The following CBLB variants were observed in gnomAD, a reference collection of about 807,000 sequenced individuals.
CBLB encodes the protein E3 ubiquitin-protein ligase CBL-B.
Under a neutral mutation model 104.9 loss-of-function variants are expected in CBLB, and 31 were observed. The observed-to-expected ratio is 0.30, with a 90% CI of 0.22 to 0.40. The LOEUF (loss-of-function observed/expected upper bound fraction) is 0.40. Ranked by LOEUF, CBLB falls within the 10% of genes least tolerant of loss-of-function variation. CBLB has a pLI of 1.00. For missense variants in CBLB, 1,062 were observed against 1,214.6 expected (o/e 0.87, Z 1.87); for synonymous variants, 440 against 422.6 (o/e 1.04, Z -0.51).
intron 4 of CBLB, among the ~76,000 whole-genome samples, chr3:105,753,133 G>T (rs1019543448): frequency 6.6e-6 from 1 of 152,142 alleles, no homozygotes; most frequent in Non-Finnish European, 1.5e-5. Context: ...CAGTCTGTGG[G>T]AAGTGGCATA....
chr3:105,679,004 T>C (rs966280542), intron 16 of CBLB, among the ~76,000 whole-genome samples: 4 of 152,184 alleles, frequency 2.6e-5, no homozygotes, highest in African/African-American at 9.7e-5. Flanking sequence ...CTCAAATACA[T>C]ATAATTTAAT....
chr3:105,820,693 A>G (rs1222401177), intron 3 of CBLB, among the ~76,000 whole-genome samples: 1 of 152,164 alleles, frequency 6.6e-6, no homozygotes, highest in Non-Finnish European at 1.5e-5. Flanking sequence ...CAAAACCTCA[A>G]AGAGCACAGA....
At chr3:105,719,526 T>C (rs979305887) in intron 10 of CBLB, among the ~76,000 whole-genome samples, 4 of 152,332 alleles carry the variant, frequency 2.6e-5, no homozygotes, top group Non-Finnish European at 5.9e-5. Context: ...GGTGACATCA[T>C]AGCCACCTTA....
At chr3:105,778,391 A>C (rs1477446854) in intron 3 of CBLB, among the ~76,000 whole-genome samples, 4 of 152,150 alleles carry the variant, frequency 2.6e-5, no homozygotes, top group African/African-American at 9.7e-5. Flanking sequence ...ACCTGACAAT[A>C]AAATCATTGG....
chr3:105,740,629 T>A lies in CBLB; in HGVS notation c.848A>T (p.Tyr283Phe), dbSNP rs1300898154. The change falls in exon 7 of 19, where the codon TAT (tyrosine) becomes TTT (phenylalanine). Residue 283 changes from tyrosine (Y) to phenylalanine (F), a missense_variant and splice_region_variant. By Grantham distance (22) the Tyr-to-Phe change is conservative. Coordinates refer to ENST00000394030, the MANE Select transcript of CBLB (RefSeq NM_170662.5). ...TCGAGTGCAACTTAACCGGAAAATATAGCTGCAAAACATAAGAAAATTACA... is the reference window on the plus strand; with the variant it reads ...TCGAGTGCAACTTAACCGGAAAATAAAGCTGCAAAACATAAGAAAATTACA... ...LQKYSTKPGSYIFRLSCTRLG... is the reference protein window; with the variant it reads ...LQKYSTKPGSFIFRLSCTRLG... 6.2e-7 allele frequency: 1 copy of A among 1,613,176 alleles called. No homozygotes were observed. The highest frequency in any genetic ancestry group is 1.3e-5 in the African/African-American group (1 of 74,908).
At chr3:105,797,946 C>T (rs1260055867) in intron 3 of CBLB, among the ~76,000 whole-genome samples, 1 of 152,196 alleles carries the variant, frequency 6.6e-6, no homozygotes, top group Non-Finnish European at 1.5e-5. Flanking sequence ...CCTGGTTTTA[C>T]CCATTACAAC....
rs548710065 is a variant in CBLB, at chr3:105,658,179, TAC to T, written c.*789_*790del. 26 of 216,296 alleles carry T rather than the reference TAC, an allele frequency of 1.2e-4. No individual in the cohort carries two copies. The East Asian group carries it at 1.8e-3, about 15-fold the overall frequency. 13.4% of individuals were successfully genotyped at this position (216,296 alleles called of 1,614,324 possible). A position where few individuals can be genotyped will look rare whatever the true frequency, so the allele number is the denominator to read the frequency against. On this transcript the variant is annotated 3_prime_UTR_variant, in exon 19 of 19. Coordinates refer to ENST00000394030, the MANE Select transcript of CBLB (RefSeq NM_170662.5). ...GCTGCTTTCTAATATTGTAGATTTT[TAC>T]AGTTGTGACACCCCTGGGATGACAG...
chr3:105,769,490 T>C (rs1350799146), intron 4 of CBLB, among the ~76,000 whole-genome samples: 2 of 152,306 alleles, frequency 1.3e-5, no homozygotes, highest in Admixed American at 6.5e-5. Context: ...TTTTGACAGA[T>C]GTGAGCTCAG....
At chr3:105,679,952 C>A (rs1157278660) in intron 16 of CBLB, among the ~76,000 whole-genome samples, 1 of 152,008 alleles carries the variant, frequency 6.6e-6, no homozygotes, top group African/African-American at 2.4e-5. Flanking sequence ...TTTTTTCAGC[C>A]CTTAAACATC....
At chr3:105,829,001 A>G (rs1483397195) in intron 3 of CBLB, among the ~76,000 whole-genome samples, 6 of 152,096 alleles carry the variant, frequency 3.9e-5, no homozygotes, top group Non-Finnish European at 7.4e-5. Flanking sequence ...TTTAACATAT[A>G]TAATTTGCCA....
rs554673213 is a variant in CBLB at position 105,717,895 on chromosome 3, G to A, written c.1407+2152C>T. On this transcript the variant is annotated intron_variant, in intron 10 of 18. Transcript: ENST00000394030. ...GCATTTATGACTTTGGTGACCTGACGTTCTTCTAGGTTCTTAGGTCCTTGA... is the reference window on the plus strand; with the variant it reads ...GCATTTATGACTTTGGTGACCTGACATTCTTCTAGGTTCTTAGGTCCTTGA... Among the ~76,000 whole-genome samples the A allele has an allele frequency of 4.6e-5, 7 of 152,238 alleles. No individual in the cohort carries two copies. The South Asian group carries it at 1.2e-3, about 27-fold the overall frequency.
At chr3:105,720,439 T>G (rs2072638241) in intron 9 of CBLB, among the ~76,000 whole-genome samples, 189 bp from the exon 10 acceptor site, 1 of 152,126 alleles carries the variant, frequency 6.6e-6, no homozygotes, top group Non-Finnish European at 1.5e-5. Context: ...TAATAAATGG[T>G]CAGTATCTTC....
chr3:105,779,127 A>T (rs2079831785), intron 3 of CBLB, among the ~76,000 whole-genome samples: 1 of 152,180 alleles, frequency 6.6e-6, no homozygotes, highest in South Asian at 2.1e-4. Flanking sequence ...CATCCCCTTG[A>T]TTCTTTGTCC....
At chr3:105,670,573 C>T (rs2064964089) in intron 17 of CBLB, 1 of 516,954 alleles carries the variant, frequency 1.9e-6, no homozygotes, top group Admixed American at 3.4e-5. Context: ...ATAATAAAGA[C>T]TACTTGTTTT....
Position 105,702,267 on chromosome 3 carries a change from GAGGGCACCA to G in CBLB, c.1777_1785del (p.Trp593_Pro595del). On this transcript the variant is annotated inframe_deletion, in exon 12 of 19. Coordinates refer to ENST00000394030, the MANE Select transcript of CBLB (RefSeq NM_170662.5). ...AGCTGATTAGTCCCAAACACATCCCGAGGGCACCATGCTTCAAGAGGCATTGGCGGGTCT... is the reference window on the plus strand; with the variant it reads ...AGCTGATTAGTCCCAAACACATCCCGTGCTTCAAGAGGCATTGGCGGGTCT... 6.2e-7 allele frequency: 1 copy of G among 1,613,928 alleles called. No individual in the cohort carries two copies. Among genetic ancestry groups the G allele is most frequent in the South Asian group, 1.1e-5 (1 of 91,060 alleles).
chr3:105,826,997 G>A (rs1330164100), intron 3 of CBLB, among the ~76,000 whole-genome samples: 1 of 152,196 alleles, frequency 6.6e-6, no homozygotes, highest in Non-Finnish European at 1.5e-5. Context: ...CATAATGAAT[G>A]TGATGGAATT....
chr3:105,846,482 T>C (rs2090271530), intron 3 of CBLB, among the ~76,000 whole-genome samples: 1 of 152,102 alleles, frequency 6.6e-6, no homozygotes, highest in Non-Finnish European at 1.5e-5. Flanking sequence ...CTACTAAAGT[T>C]GAAATATTAA....
At chr3:105,783,472 C>A (rs997834324) in intron 3 of CBLB, among the ~76,000 whole-genome samples, 27 of 152,174 alleles carry the variant, frequency 1.8e-4, no homozygotes, top group African/African-American at 6.3e-4. Flanking sequence ...ATCATGATGG[C>A]CTTGTACAAT....
chr3:105,703,885 A>C, intron 11 of CBLB, 103 bp downstream of exon 11: 1 of 1,078,848 alleles, frequency 9.3e-7, no homozygotes, highest in Non-Finnish European at 1.4e-6. Context: ...ACTTATTCAC[A>C]ATTAAAAGCA....
Sources: allele counts gnomAD v4.1 joint callset (sites outside exome capture counted in the v4.1 genomes callset), GRCh38; gene constraint gnomAD v4.1.1; transcripts MANE v1.5; gene names NCBI Gene and HGNC (gene_info 2026-07-23, HGNC 2026-07-21).